CDKN2B-AS1: variants seen among roughly 807,000 people sequenced by gnomAD.
The protein encoded by CDKN2B-AS1 is CDKN2B and CDKN2A antisense cis and trans regulatory RNA 1, also known as CDKN2B antisense RNA 1 (non-protein coding).
intron 1 of CDKN2B-AS1, chr9:22,003,127 A>G (rs1028008784): frequency 2.3e-5 from 5 of 215,750 alleles, no homozygotes; most frequent in Admixed American, 5.8e-5. Flanking sequence ...CAAATTTAAC[A>G]GTATATATTA....
chr9:22,104,560 C>T (rs1476132661), intron 4 of CDKN2B-AS1, among the ~76,000 whole-genome samples: 2 of 152,166 alleles, frequency 1.3e-5, no homozygotes, highest in Non-Finnish European at 2.9e-5. Context: ...TCCCACAGGA[C>T]TGGAAATCTC....
At chr9:22,011,649 A>G (rs564003536) in intron 1 of CDKN2B-AS1, among the ~76,000 whole-genome samples, 1 of 152,328 alleles carries the variant, frequency 6.6e-6, no homozygotes, top group East Asian at 1.9e-4. Context: ...TTCAGTCTAC[A>G]CTGTGTTTTC....
chr9:22,015,109 C>A (rs1050379268), intron 1 of CDKN2B-AS1, among the ~76,000 whole-genome samples: 1 of 151,916 alleles, frequency 6.6e-6, no homozygotes, highest in African/African-American at 2.4e-5. Flanking sequence ...ATTTATAATC[C>A]TTTGGGTATA....
intron 1 of CDKN2B-AS1, chr9:22,029,367 G>A: frequency 1.3e-6 from 1 of 770,514 alleles, no homozygotes; most frequent in Non-Finnish European, 2.4e-6. Context: ...CTGATGGAAT[G>A]TTTAGTCTGA....
At position 22,105,130 on chromosome 9, in the gene CDKN2B-AS1, G is replaced by A. The variant is rs72652492; in HGVS notation, n.439-21973G>A. Among the ~76,000 whole-genome samples, 58 of 152,156 alleles carry A rather than the reference G, an allele frequency of 3.8e-4. 1 individual carries two copies. Among genetic ancestry groups the A allele is most frequent in the Non-Finnish European group, 2.2e-4 (15 of 68,026 alleles). ...GCAACAGCTACACTGACTCTTGAAA[G>A]CAAAGTAACTCGTTAAATGAGGGTA... On this transcript the variant is annotated intron_variant and non_coding_transcript_variant, in intron 4 of 4. Coordinates refer to ENST00000650946, the Ensembl canonical transcript of CDKN2B-AS1.
chr9:22,050,987 A>G (rs935084351), intron 3 of CDKN2B-AS1, among the ~76,000 whole-genome samples: 1 of 152,170 alleles, frequency 6.6e-6, no homozygotes, highest in Non-Finnish European at 1.5e-5. Context: ...GGTGTTTGAA[A>G]TCAGAATGTA....
At chr9:22,013,286 A>T (rs1821592090) in intron 1 of CDKN2B-AS1, among the ~76,000 whole-genome samples, 2 of 152,322 alleles carry the variant, frequency 1.3e-5, no homozygotes, top group Admixed American at 1.3e-4. Flanking sequence ...TTTAGAGGTG[A>T]CAGAATTTAA....
At chr9:22,049,193 T>A (rs1376067714) in exon 3 of CDKN2B-AS1, 1 of 152,174 alleles carries the variant, frequency 6.6e-6, no homozygotes, top group Non-Finnish European at 1.5e-5. Flanking sequence ...CTATTTGGAA[T>A]GTATCTAACT....
In CDKN2B-AS1 at chr9:22,105,992, C is replaced by T. The variant is rs537542805; in HGVS notation, n.439-21111C>T. Among the ~76,000 whole-genome samples, 39 of 152,342 alleles carry T rather than the reference C, an allele frequency of 2.6e-4. No homozygotes were observed. In the South Asian group the frequency reaches 3.3e-3, roughly 13 times the overall value. On this transcript the variant is annotated intron_variant and non_coding_transcript_variant, in intron 4 of 4. Coordinates refer to ENST00000650946, the Ensembl canonical transcript of CDKN2B-AS1. ...ATGGCACGATCTTGGCTCACTGCAA[C>T]CTCTGCCTCCCGGATACAAGCGATT...
At chr9:22,089,963 G>A (rs889446533) in intron 4 of CDKN2B-AS1, among the ~76,000 whole-genome samples, 2 of 148,954 alleles carry the variant, frequency 1.3e-5, no homozygotes, top group Non-Finnish European at 3.0e-5. Flanking sequence ...ATCTCCTAAT[G>A]CTATCCCTCC....
At chr9:22,116,527 G>A (rs996378801) in intron 4 of CDKN2B-AS1, among the ~76,000 whole-genome samples, 3 of 152,230 alleles carry the variant, frequency 2.0e-5, no homozygotes, top group African/African-American at 7.2e-5. Flanking sequence ...TAGCCTGCTT[G>A]ATGTGGAAGA....
intron 4 of CDKN2B-AS1, among the ~76,000 whole-genome samples, chr9:22,115,653 C>G (rs925301216): frequency 6.6e-5 from 10 of 151,554 alleles, no homozygotes; most frequent in Admixed American, 2.6e-4. Flanking sequence ...CATGGGGTAG[C>G]AAGGGGTGGG....
At chr9:22,090,140 C>T (rs1253504490) in intron 4 of CDKN2B-AS1, among the ~76,000 whole-genome samples, 1 of 152,022 alleles carries the variant, frequency 6.6e-6, no homozygotes, top group Non-Finnish European at 1.5e-5. Context: ...ATCCATGTCC[C>T]CACAAAGGAC....
chr9:22,020,458 C>T (rs1821968432), intron 1 of CDKN2B-AS1, among the ~76,000 whole-genome samples: 1 of 152,152 alleles, frequency 6.6e-6, no homozygotes, highest in South Asian at 2.1e-4. Flanking sequence ...ATCGCACAGT[C>T]CCCCACAATG....
chr9:22,050,722 C>A (rs900092047), intron 3 of CDKN2B-AS1, among the ~76,000 whole-genome samples: 2 of 152,160 alleles, frequency 1.3e-5, no homozygotes, highest in Admixed American at 6.6e-5. Context: ...CCACCTCAGG[C>A]TTTTGGCACC....
At chr9:22,090,706 A>G (rs1825050078) in intron 4 of CDKN2B-AS1, among the ~76,000 whole-genome samples, 1 of 151,692 alleles carries the variant, frequency 6.6e-6, no homozygotes. Context: ...GTTTGAGTTC[A>G]TTGTAGATTC....
intron 4 of CDKN2B-AS1, chr9:22,058,530 A>T (rs1048194491): frequency 6.6e-6 from 1 of 152,274 alleles, no homozygotes; most frequent in East Asian, 1.9e-4. Flanking sequence ...TGAGCCTATC[A>T]TATAAGCCCA....
intron 4 of CDKN2B-AS1, among the ~76,000 whole-genome samples, chr9:22,106,160 G>A (rs1369003636): frequency 1.3e-5 from 2 of 152,120 alleles, no homozygotes; most frequent in Admixed American, 6.6e-5. Context: ...TCGGCTCACT[G>A]CAACTTCCAC....
At chr9:22,100,908 C>T (rs1019755421) in intron 4 of CDKN2B-AS1, among the ~76,000 whole-genome samples, 2 of 152,126 alleles carry the variant, frequency 1.3e-5, no homozygotes, top group African/African-American at 4.8e-5. Flanking sequence ...CCAATGATTT[C>T]GGACATCTTT....
Sources: allele counts gnomAD v4.1 joint callset (sites outside exome capture counted in the v4.1 genomes callset), GRCh38; gene constraint gnomAD v4.1.1; transcripts MANE v1.5; gene names NCBI Gene and HGNC (gene_info 2026-07-23, HGNC 2026-07-21).